The following DYNC1I1 variants were observed in gnomAD, a reference collection of about 807,000 sequenced individuals.
DYNC1I1 encodes the protein cytoplasmic dynein 1 intermediate chain 1.
DYNC1I1 carries 43 observed loss-of-function variants against 86.6 expected under a neutral mutation model. The observed-to-expected ratio is 0.50, with a 90% CI of 0.39 to 0.64. The LOEUF is 0.64. Ranked by LOEUF, DYNC1I1 falls within the 30% of genes least tolerant of loss-of-function variation. The pLI is 0.00. For synonymous variants in DYNC1I1, 262 were observed against 283.7 expected (o/e 0.92, Z 0.77); for missense variants, 604 against 788.8 (o/e 0.77, Z 2.81).
At chr7:96,084,717 C>T (rs1435007054) in intron 16 of DYNC1I1, among the ~76,000 whole-genome samples, 1 of 151,962 alleles carries the variant, frequency 6.6e-6, no homozygotes, top group Non-Finnish European at 1.5e-5. Context: ...GCCACTGCAC[C>T]CTGCCTCATT....
At chr7:96,068,115 T>G (rs1184549413) in intron 14 of DYNC1I1, among the ~76,000 whole-genome samples, 1 of 152,154 alleles carries the variant, frequency 6.6e-6, no homozygotes, top group Admixed American at 6.5e-5. Context: ...CCAGGACCCA[T>G]AATTAATACT....
intron 14 of DYNC1I1, among the ~76,000 whole-genome samples, chr7:96,049,331 TA>T (rs1789321168): frequency 6.6e-6 from 1 of 151,108 alleles, no homozygotes; most frequent in South Asian, 2.1e-4. Flanking sequence ...TTTATCTTAA[TA>T]AAAGAGGCAA....
At chr7:95,883,912 CA>C (rs1562932801) in intron 6 of DYNC1I1, among the ~76,000 whole-genome samples, 1 of 151,836 alleles carries the variant, frequency 6.6e-6, no homozygotes, top group Non-Finnish European at 1.5e-5. Flanking sequence ...TGGAAAATAT[CA>C]ATGATAGAAG....
chr7:95,879,077 C>T (rs1026204835), intron 6 of DYNC1I1, among the ~76,000 whole-genome samples: 5 of 151,904 alleles, frequency 3.3e-5, no homozygotes, highest in Non-Finnish European at 5.9e-5. Flanking sequence ...ACCCACCTTA[C>T]AAGAAATATA....
At chr7:95,851,859 T>G (rs1293563417) in intron 5 of DYNC1I1, among the ~76,000 whole-genome samples, 1 of 152,168 alleles carries the variant, frequency 6.6e-6, no homozygotes. Context: ...AGACGGGGTT[T>G]CTCCATGTTG....
intron 6 of DYNC1I1, among the ~76,000 whole-genome samples, chr7:95,967,039 A>G (rs1186446604): frequency 6.6e-6 from 1 of 152,206 alleles, no homozygotes; most frequent in Non-Finnish European, 1.5e-5. Context: ...TACTGGGGAA[A>G]TTAGAAATTA....
intron 6 of DYNC1I1, among the ~76,000 whole-genome samples, chr7:95,892,459 T>C (rs1379918864): frequency 2.0e-5 from 3 of 151,840 alleles, no homozygotes; most frequent in Middle Eastern, 3.2e-3. Context: ...TACAGATGCC[T>C]GCCACCACGC....
At chr7:95,813,619 A>G (rs1794882940) in intron 4 of DYNC1I1, among the ~76,000 whole-genome samples, 1 of 152,164 alleles carries the variant, frequency 6.6e-6, no homozygotes, top group African/African-American at 2.4e-5. Context: ...AGGCTTAAAA[A>G]AGGCAGGGAG....
At chr7:95,979,029 C>T (rs1054390274) in intron 7 of DYNC1I1, among the ~76,000 whole-genome samples, 5 of 152,118 alleles carry the variant, frequency 3.3e-5, no homozygotes, top group East Asian at 1.9e-4. Context: ...CTCCTGACCT[C>T]GTGATCCACC....
intron 14 of DYNC1I1, among the ~76,000 whole-genome samples, chr7:96,060,321 C>T (rs1042359534): frequency 6.6e-6 from 1 of 152,168 alleles, no homozygotes; most frequent in African/African-American, 2.4e-5. Flanking sequence ...TCCAGCAGGC[C>T]TGAAGTCCGA....
chr7:95,785,781 A>ATGTGTG (rs1794122593), intron 1 of DYNC1I1, among the ~76,000 whole-genome samples: 1 of 28,096 alleles, frequency 3.6e-5, no homozygotes, highest in Non-Finnish European at 5.9e-5. Flanking sequence ...ATGTGTATAT[A>ATGTGTG]TATATATATA....
At chr7:95,995,061 C>T (rs1323291827) in intron 9 of DYNC1I1, among the ~76,000 whole-genome samples, 1 of 151,914 alleles carries the variant, frequency 6.6e-6, no homozygotes, top group African/African-American at 2.4e-5. Flanking sequence ...TCCTGGCTAA[C>T]ACGGTGAAAC....
chr7:96,079,884 A>T (rs989732015), intron 15 of DYNC1I1, among the ~76,000 whole-genome samples: 1 of 152,084 alleles, frequency 6.6e-6, no homozygotes, highest in Admixed American at 6.6e-5. Context: ...AGATCAATAC[A>T]TATGTTTACT....
chr7:95,940,994 G>C (rs570717426), intron 6 of DYNC1I1, among the ~76,000 whole-genome samples: 2 of 152,298 alleles, frequency 1.3e-5, no homozygotes, highest in South Asian at 4.1e-4. Flanking sequence ...TGTCCTTTCT[G>C]TTTGTTAGTT....
intron 6 of DYNC1I1, among the ~76,000 whole-genome samples, chr7:95,946,688 G>A (rs1426151096): frequency 6.6e-6 from 1 of 152,170 alleles, no homozygotes; most frequent in Non-Finnish European, 1.5e-5. Flanking sequence ...TTCATGCATT[G>A]AACAAATATC....
At chr7:96,068,417 A>C (rs371532566) in intron 14 of DYNC1I1, among the ~76,000 whole-genome samples, 1 of 152,212 alleles carries the variant, frequency 6.6e-6, no homozygotes, top group African/African-American at 2.4e-5. Flanking sequence ...ACATTTAACA[A>C]TGGGAGATGT....
intron 6 of DYNC1I1, among the ~76,000 whole-genome samples, chr7:95,935,843 A>T (rs319297): frequency 6.6e-6 from 1 of 151,876 alleles, no homozygotes; most frequent in Non-Finnish European, 1.5e-5. Flanking sequence ...TGGCCAACCA[A>T]TACATGCAAA....
chr7:96,047,093 A>G (rs984626413), intron 14 of DYNC1I1, among the ~76,000 whole-genome samples: 6 of 152,240 alleles, frequency 3.9e-5, no homozygotes, highest in Admixed American at 2.0e-4. Flanking sequence ...TGCCTCATAG[A>G]TGGTGCTTTC....
intron 11 of DYNC1I1, among the ~76,000 whole-genome samples, chr7:96,030,439 G>A (rs2188507): frequency 0.19 from 28,061 of 150,708 alleles, 2,869 homozygotes; most frequent in South Asian, 0.3. Flanking sequence ...CTCTTAAACT[G>A]AGTTTTATTA....
Sources: gnomAD v4.1 joint callset for allele counts (sites outside exome capture counted in the v4.1 genomes callset) on GRCh38, gnomAD v4.1.1 for gene constraint, MANE v1.5 for transcripts, NCBI Gene and HGNC (gene_info 2026-07-23, HGNC 2026-07-21) for gene names.